Variants in NIPBL observed in about 807,000 individuals in gnomAD.
NIPBL encodes the protein NIPBL cohesin loading factor, also known as nipped-B-like protein.
Under a neutral mutation model 321.8 loss-of-function variants are expected in NIPBL, and 19 were observed. The observed-to-expected ratio is 0.06, with a 90% confidence interval of 0.04 to 0.09. NIPBL has a LOEUF of 0.09. NIPBL is among the 10% of genes least tolerant of loss of function. NIPBL has a pLI of 1.00. For missense variants in NIPBL, 2,210 were observed against 3,327.0 expected, an observed-to-expected ratio of 0.66 and a Z score of 8.26; for synonymous variants, 1,106 against 1,114.1, an observed-to-expected ratio of 0.99 and a Z score of 0.14.
intron 8 of NIPBL, among the ~76,000 whole-genome samples, chr5:36,972,947 G>C (rs1488413881): frequency 6.6e-6 from 1 of 151,972 alleles, no homozygotes; most frequent in Non-Finnish European, 1.5e-5. Context: ...TATATTTTTT[G>C]TAAGAACTTT....
At chr5:37,028,225 C>T (rs1172678957) in intron 32 of NIPBL, among the ~76,000 whole-genome samples, 1 of 151,694 alleles carries the variant, frequency 6.6e-6, no homozygotes, top group Non-Finnish European at 1.5e-5. Context: ...CAGAAATATC[C>T]ATCACCCAGC....
At chr5:36,877,594 G>A (rs1745188110) in intron 1 of NIPBL, among the ~76,000 whole-genome samples, 1 of 152,182 alleles carries the variant, frequency 6.6e-6, no homozygotes, top group African/African-American at 2.4e-5. Context: ...TGCCCTGATC[G>A]TCCCCATATT....
chr5:36,898,745 A>C (rs182715736), intron 1 of NIPBL, among the ~76,000 whole-genome samples: 45 of 152,290 alleles, frequency 3.0e-4, no homozygotes, highest in African/African-American at 1.0e-3. Flanking sequence ...TCCCGACCTC[A>C]GGCGATCCAC....
At chr5:36,939,697 C>T (rs539887273) in intron 1 of NIPBL, among the ~76,000 whole-genome samples, 1 of 152,102 alleles carries the variant, frequency 6.6e-6, no homozygotes, top group South Asian at 2.1e-4. Flanking sequence ...GATTGAGGGG[C>T]CCACATCTGA....
chr5:37,064,096 A>C (rs1579630260), intron 46 of NIPBL, 118 bp downstream of exon 46: 1 of 1,470,876 alleles, frequency 6.8e-7, no homozygotes, highest in Admixed American at 2.5e-5. Flanking sequence ...AAAAGAGAAA[A>C]CATTTTGTAG....
chr5:36,958,305 C>G, intron 4 of NIPBL, 74 bp downstream of exon 4: 1 of 1,474,328 alleles, frequency 6.8e-7, no homozygotes. Context: ...TCTTCTTTAA[C>G]AAGCTGGCCT....
At position 37,003,269 on chromosome 5, in the gene NIPBL, T is replaced by C. The variant is rs756713894; in HGVS notation, c.3777T>C (p.Thr1259=). 3.2e-6 allele frequency: 5 copies of C among 1,586,110 alleles called. No homozygotes were observed. In the South Asian group the frequency reaches 5.5e-5, roughly 18 times the overall value. The change falls in exon 16 of 47, where the codon ACT becomes ACC. Residue 1259 remains threonine, a synonymous_variant. Coordinates refer to ENST00000282516, the MANE Select transcript of NIPBL (RefSeq NM_133433.4). ...TTATATTGCTATTTTAGCTTTCAAC[T>C]GACAAAACTGTGAAAGTCTTAAATA... ...KAMGIMDKLS[T]DKTVKVLNIL...
rs374771978 is a variant in NIPBL at position 37,051,893 on chromosome 5, A to G, written c.7062+7A>G. 6.4e-7 allele frequency: 1 copy of G among 1,574,424 alleles called. No individual in the cohort carries two copies. The highest frequency in any genetic ancestry group is 8.7e-7 in the Non-Finnish European group (1 of 1,143,990). Reference sequence around the variant, plus strand: ...ATATGCTGGATTCATTCATGTATGTATTTTAACATTTTATAACCTAAATTT... The same window carrying G: ...ATATGCTGGATTCATTCATGTATGTGTTTTAACATTTTATAACCTAAATTT... On this transcript the variant is annotated splice_region_variant and intron_variant, in intron 41 of 46. Transcript: ENST00000282516.
At chr5:36,909,947 A>G (rs1044808024) in intron 1 of NIPBL, among the ~76,000 whole-genome samples, 4 of 152,000 alleles carry the variant, frequency 2.6e-5, no homozygotes, top group Admixed American at 2.6e-4. Context: ...ATGGTGGTGC[A>G]CACCTGTAGT....
chr5:36,986,402 A>G, intron 10 of NIPBL, 101 bp downstream of exon 10: 1 of 779,168 alleles, frequency 1.3e-6, no homozygotes, highest in East Asian at 3.1e-5. Context: ...GAAAGCTACT[A>G]CATGAAAATA....
intron 31 of NIPBL, among the ~76,000 whole-genome samples, chr5:37,026,909 T>G (rs1028219384): frequency 8.6e-5 from 13 of 150,700 alleles, no homozygotes; most frequent in Admixed American, 1.3e-4. Flanking sequence ...GCAAGATCCC[T>G]TCTCAAAAAA....
intron 1 of NIPBL, among the ~76,000 whole-genome samples, chr5:36,910,567 G>A (rs1389710656): frequency 6.6e-6 from 1 of 152,078 alleles, no homozygotes; most frequent in Non-Finnish European, 1.5e-5. Context: ...TATTATAGTA[G>A]CCTGTGAAGC....
At chr5:36,993,108 G>A (rs1745739801) in intron 10 of NIPBL, among the ~76,000 whole-genome samples, 1 of 152,114 alleles carries the variant, frequency 6.6e-6, no homozygotes. Context: ...TCATGAAATG[G>A]AAGAAAGGAT....
chr5:36,934,681 A>C (rs1465930537), intron 1 of NIPBL, among the ~76,000 whole-genome samples: 1 of 152,210 alleles, frequency 6.6e-6, no homozygotes, highest in African/African-American at 2.4e-5. Flanking sequence ...TGACACATTC[A>C]TACATTGGTA....
chr5:36,960,915 CAA>C (rs1741542668), intron 4 of NIPBL, among the ~76,000 whole-genome samples: 1 of 151,992 alleles, frequency 6.6e-6, no homozygotes, highest in Non-Finnish European at 1.5e-5. Context: ...TACTATGTGA[CAA>C]AGAGTTATTG....
intron 34 of NIPBL, among the ~76,000 whole-genome samples, chr5:37,043,388 C>A (rs779286977): frequency 1.3e-5 from 2 of 152,162 alleles, no homozygotes; most frequent in Middle Eastern, 6.8e-3. Context: ...ATTAGCCAGG[C>A]ATGGTGGTGG....
chr5:36,887,833 T>C (rs911400667), intron 1 of NIPBL, among the ~76,000 whole-genome samples: 1 of 152,206 alleles, frequency 6.6e-6, no homozygotes, highest in African/African-American at 2.4e-5. Flanking sequence ...AGAAATTCCA[T>C]AGTATGTAAG....
At chr5:37,046,313 A>C in intron 38 of NIPBL, 114 bp downstream of exon 38, 1 of 696,340 alleles carries the variant, frequency 1.4e-6, no homozygotes. Context: ...TAGCAGTAGG[A>C]TTTGGTGTAT....
chr5:37,001,463 GAGTA>G (rs1554020761), intron 14 of NIPBL, among the ~76,000 whole-genome samples: 1 of 152,130 alleles, frequency 6.6e-6, no homozygotes, highest in Non-Finnish European at 1.5e-5. Flanking sequence ...AAAGAATCAT[GAGTA>G]AGTGAGAGTA....
Sources: gnomAD v4.1 joint callset for allele counts (sites outside exome capture counted in the v4.1 genomes callset) on GRCh38, gnomAD v4.1.1 for gene constraint, MANE v1.5 for transcripts, NCBI Gene and HGNC (gene_info 2026-07-23, HGNC 2026-07-21) for gene names.